UPF2: variants seen among roughly 807,000 people sequenced by gnomAD.
UPF2 encodes regulator of nonsense transcripts 2.
A neutral mutation model predicts 141.4 loss-of-function variants in UPF2; 17 were observed. That is an observed-to-expected ratio of 0.12 (90% CI 0.08 to 0.18). The LOEUF is 0.18. UPF2 is among the 10% of genes least tolerant of loss of function. UPF2 has a pLI of 1.00. For missense variants in UPF2, 1,152 were observed against 1,515.9 expected, an observed-to-expected ratio of 0.76 and a Z score of 3.99; for synonymous variants, 540 against 498.0, an observed-to-expected ratio of 1.08 and a Z score of -1.12.
chr10:11,954,661 T>TAC (rs1564343069), intron 14 of UPF2, among the ~76,000 whole-genome samples: 7 of 146,304 alleles, frequency 4.8e-5, no homozygotes, highest in African/African-American at 1.7e-4. Context: ...TATATATATA[T>TAC]ACATATATAT....
chr10:11,959,041 A>C lies in UPF2; in HGVS notation c.2370+130T>G. On this transcript the variant is annotated intron_variant, in intron 12 of 21. Coordinates refer to ENST00000357604, the MANE Select transcript of UPF2 (RefSeq NM_015542.4). This position sits in a 1 kb window ranked among gnomAD's most constrained non-coding sequence, Gnocchi z 5.9. Reference sequence around the variant, plus strand: ...TATATCATCATAAGAATTCCTTCTTAGGGTGACTTACACAGAGCTGATTAT... The same window carrying C: ...TATATCATCATAAGAATTCCTTCTTCGGGTGACTTACACAGAGCTGATTAT... The C allele has an allele frequency of 1.4e-6, 1 of 713,320 alleles. No homozygotes were observed. 44.2% of individuals were successfully genotyped at this position (713,320 alleles called of 1,614,324 possible). A position where few individuals can be genotyped will look rare whatever the true frequency, so the allele number is the denominator to read the frequency against.
chr10:12,033,184 G>A (rs1688493191), intron 2 of UPF2, among the ~76,000 whole-genome samples: 3 of 152,128 alleles, frequency 2.0e-5, no homozygotes, highest in South Asian at 2.1e-4. Flanking sequence ...TGGGAGGATC[G>A]CTTGAGCTCA....
At chr10:12,036,092 CAT>C (rs1384119583) in intron 1 of UPF2, among the ~76,000 whole-genome samples, 2 of 152,190 alleles carry the variant, frequency 1.3e-5, no homozygotes, top group Non-Finnish European at 2.9e-5. Context: ...TATAAATAAA[CAT>C]GAACCTAAAA....
chr10:12,040,380 C>G (rs1452225064), intron 1 of UPF2, among the ~76,000 whole-genome samples: 1 of 152,072 alleles, frequency 6.6e-6, no homozygotes, highest in Non-Finnish European at 1.5e-5. Context: ...CAAGATGGCA[C>G]CACTGCACTC....
At chr10:11,938,866 T>TTTG (rs1832895350) in intron 18 of UPF2, among the ~76,000 whole-genome samples, 13 of 88,672 alleles carry the variant, frequency 1.5e-4, no homozygotes, top group East Asian at 5.5e-4. Flanking sequence ...TTTTTTTTTT[T>TTTG]TTTTTTTTTT....
chr10:12,010,368 T>TGTATTTC (rs1174220776), intron 4 of UPF2, among the ~76,000 whole-genome samples: 2 of 152,220 alleles, frequency 1.3e-5, no homozygotes, highest in Admixed American at 6.5e-5. Flanking sequence ...TTATTGTAAC[T>TGTATTTC]GTATTTCATA....
intron 9 of UPF2, among the ~76,000 whole-genome samples, chr10:11,978,083 A>T (rs1380014638): frequency 2.0e-5 from 3 of 152,220 alleles, no homozygotes; most frequent in Non-Finnish European, 2.9e-5. Flanking sequence ...TTCACCATGC[A>T]ATTCCTTACA....
intron 10 of UPF2, among the ~76,000 whole-genome samples, chr10:11,965,538 C>T (rs922287385): frequency 2.0e-5 from 3 of 152,144 alleles, no homozygotes; most frequent in Non-Finnish European, 2.9e-5. Context: ...CGGCTCACTG[C>T]GAGCTCCACC....
rs545772895 is a variant in UPF2, at chr10:11,925,529, G to A, written c.3810-4222C>T. 3.9e-5 allele frequency among the ~76,000 whole-genome samples: 6 copies of A among 152,374 alleles called. No homozygotes were observed. The South Asian group carries it at 1.0e-3, about 26-fold the overall frequency. The stretch of plus-strand genomic sequence containing the variant: ...GTGCCAGGCACCAAGAGCTGTGAAG[G>A]AGACAGAATGGAAACAACATGAGAC... On this transcript the variant is annotated intron_variant, in intron 21 of 21. Transcript: ENST00000357604.
chr10:11,995,326 C>A (rs1398524972), intron 8 of UPF2, among the ~76,000 whole-genome samples: 1 of 152,152 alleles, frequency 6.6e-6, no homozygotes, highest in African/African-American at 2.4e-5. Context: ...AGAATTAAGA[C>A]TGAAGAAGTT....
intron 2 of UPF2, among the ~76,000 whole-genome samples, chr10:12,030,808 C>T (rs1488021157): frequency 2.0e-5 from 3 of 151,304 alleles, no homozygotes; most frequent in Non-Finnish European, 4.4e-5. Flanking sequence ...TGCTTGAACC[C>T]GGGAGGCGCA....
At chr10:11,968,622 T>C (rs1355014852) in intron 9 of UPF2, among the ~76,000 whole-genome samples, 2 of 152,194 alleles carry the variant, frequency 1.3e-5, no homozygotes, top group Non-Finnish European at 2.9e-5. Flanking sequence ...CCAGTCATGG[T>C]TGTATGTCAA....
In UPF2 at chr10:12,014,005, T is replaced by C; in HGVS notation, c.1306+19A>G. On this transcript the variant is annotated intron_variant, in intron 4 of 21. Transcript: ENST00000357604. This position sits in a 1 kb window ranked among gnomAD's most constrained non-coding sequence, Gnocchi z 5.0. ...TGCTTACAGAAAACACAATGTTTGT[T>C]TTTAAGGATATCTCTTACCTTCTGG... 3 of 1,507,654 alleles carry C rather than the reference T, an allele frequency of 2.0e-6. No homozygotes were observed. The highest frequency in any genetic ancestry group is 2.7e-6 in the Non-Finnish European group (3 of 1,119,324). 93.4% of individuals were successfully genotyped at this position (1,507,654 alleles called of 1,614,324 possible). A position where few individuals can be genotyped will look rare whatever the true frequency, so the allele number is the denominator to read the frequency against.
In UPF2 at chr10:11,948,300, T is replaced by A. The variant is rs1833030207; in HGVS notation, c.3174+69A>T. On this transcript the variant is annotated intron_variant, in intron 16 of 21. Transcript: ENST00000357604. ...GAGGAGGTCTTATGTATTAAAAAAA[T>A]TTTGGCTCATATAATCAAAATACTC... 9 of 1,386,776 alleles carry A rather than the reference T, an allele frequency of 6.5e-6. 1 individual carries two copies. Among genetic ancestry groups the A allele is most frequent in the South Asian group, 4.6e-5 (3 of 64,680 alleles). The allele number at this position is 1,386,776 out of a possible 1,614,324, so 85.9% of individuals were successfully genotyped here.
intron 1 of UPF2, among the ~76,000 whole-genome samples, chr10:12,036,380 T>C (rs1834625766): frequency 6.6e-6 from 1 of 152,230 alleles, no homozygotes; most frequent in Admixed American, 6.5e-5. Flanking sequence ...ACTAGTCATA[T>C]GTGGTTACTT....
At chr10:12,020,506 C>T (rs1834299533) in intron 3 of UPF2, among the ~76,000 whole-genome samples, 1 of 152,118 alleles carries the variant, frequency 6.6e-6, no homozygotes, top group South Asian at 2.1e-4. Context: ...CAGCCTCAGC[C>T]AAGCTACTAA....
intron 15 of UPF2, among the ~76,000 whole-genome samples, chr10:11,950,125 A>T (rs1156705209): frequency 1.3e-5 from 2 of 152,182 alleles, no homozygotes; most frequent in African/African-American, 4.8e-5. Flanking sequence ...TTCTGTATGG[A>T]ATATTGGTAT....
At chr10:11,942,804 A>T (rs2131171100) in intron 17 of UPF2, 41 bp from the exon 18 acceptor site, 1 of 1,583,128 alleles carries the variant, frequency 6.3e-7, no homozygotes, top group East Asian at 2.2e-5. Context: ...AGAAATTTTA[A>T]CTGTAATGTT....
chr10:11,961,479 T>G (rs1588538476), intron 11 of UPF2, among the ~76,000 whole-genome samples: 1 of 151,770 alleles, frequency 6.6e-6, no homozygotes, highest in African/African-American at 2.4e-5. Context: ...AAGGCCAGTG[T>G]GTTCCTAGTA....
Sources: allele counts gnomAD v4.1 joint callset (sites outside exome capture counted in the v4.1 genomes callset), GRCh38; gene constraint gnomAD v4.1.1; non-coding constraint Gnocchi (gnomAD v3.1); transcripts MANE v1.5; gene names NCBI Gene and HGNC (gene_info 2026-07-23, HGNC 2026-07-21).